Variants in ARAP2 observed in about 807,000 individuals in gnomAD.
The protein encoded by ARAP2 is arf-GAP with Rho-GAP domain, ANK repeat and PH domain-containing protein 2.
ARAP2 carries 148 observed loss-of-function variants against 194.5 expected under a neutral mutation model. The observed-to-expected ratio is 0.76, with a 90% CI of 0.67 to 0.87. The LOEUF (loss-of-function observed/expected upper bound fraction) is 0.87. ARAP2 is among the 40% of genes least tolerant of loss of function. The probability of loss-of-function intolerance (pLI) is 0.00; values close to 1 mark genes in which losing one functional copy is unlikely to be tolerated. For missense variants in ARAP2, 2,128 were observed against 1,989.7 expected, an observed-to-expected ratio of 1.07 and a Z score of -1.32; for synonymous variants, 695 against 683.5, an observed-to-expected ratio of 1.02 and a Z score of -0.26.
chr4:36,220,146 T>C (rs1430039679), intron 2 of ARAP2, among the ~76,000 whole-genome samples: 2 of 152,186 alleles, frequency 1.3e-5, no homozygotes, highest in Admixed American at 6.5e-5. Flanking sequence ...TTTGGTAACT[T>C]GCACTAGTAA....
intron 9 of ARAP2, among the ~76,000 whole-genome samples, chr4:36,008,842 A>T (rs1173808686): frequency 6.6e-6 from 1 of 152,130 alleles, no homozygotes; most frequent in East Asian, 1.9e-4. Context: ...ACTTTAACAA[A>T]TCAACAAGTA....
intron 5 of ARAP2, among the ~76,000 whole-genome samples, chr4:36,024,558 A>G (rs777813943): frequency 4.6e-5 from 7 of 152,152 alleles, no homozygotes; most frequent in Non-Finnish European, 1.0e-4. Context: ...GGTTCATAAA[A>G]GAGTGAGCTA....
At chr4:36,164,235 G>A (rs920227661) in intron 11 of ARAP2, among the ~76,000 whole-genome samples, 8 of 152,206 alleles carry the variant, frequency 5.3e-5, no homozygotes, top group African/African-American at 1.9e-4. Context: ...GGGGGAGAAG[G>A]TGGTGGGACA....
rs1392188168 is a variant in ARAP2, at chr4:36,187,567, A to C, written c.1562T>G (p.Met521Arg). ...SISYYNNEKE[M>R]YSKGIIPLSA... ...AAGGGGAATTATTCCTTTCGAATAC[A>C]TCTCCTGTATTGGTTAGAAAAAAAG... The change falls in exon 8 of 33, where the codon ATG (methionine) becomes AGG (arginine). Residue 521 changes from methionine (M) to arginine (R), a missense_variant. Met to Arg is a moderately conservative substitution (Grantham distance 91). Transcript: ENST00000303965. 2 of 1,545,084 alleles carry C rather than the reference A, an allele frequency of 1.3e-6. No homozygotes were observed. The highest frequency in any genetic ancestry group is 2.8e-5 in the African/African-American group (2 of 71,060).
chr4:36,082,282 C>A lies in ARAP2; in HGVS notation c.4513G>T (p.Gly1505Ter). 1 of 1,609,042 alleles carries A rather than the reference C, an allele frequency of 6.2e-7. No homozygotes were observed. The highest frequency in any genetic ancestry group is 8.5e-7 in the Non-Finnish European group (1 of 1,177,914). ...KKKMKPPTSWGLTAYSEKHHW... is the reference protein window; with the variant it reads ...KKKMKPPTSW The stretch of plus-strand genomic sequence containing the variant: ...TGTTTCTCAGAATATGCGGTCAATC[C>A]CCAGCTGCATCACATAGAAAAAAAA... Residue 1505 changes from glycine to a stop codon, truncating the protein, a stop_gained, in exon 30 of 33, where the codon GGA becomes TGA. Transcript: ENST00000303965. LOFTEE classifies it high-confidence loss of function.
At chr4:36,176,802 A>G (rs549983515) in intron 9 of ARAP2, among the ~76,000 whole-genome samples, 1 of 152,274 alleles carries the variant, frequency 6.6e-6, no homozygotes, top group African/African-American at 2.4e-5. Flanking sequence ...GTGTAAGTTC[A>G]CACTAAAGTT....
intron 14 of ARAP2, 134 bp from the exon 15 acceptor site, chr4:36,158,998 C>A: frequency 4.6e-6 from 4 of 862,742 alleles, no homozygotes; most frequent in Non-Finnish European, 6.6e-6. Context: ...TACAGAGATA[C>A]TTATTTTACT....
At chr4:36,119,993 A>T (rs1329692253) in intron 23 of ARAP2, among the ~76,000 whole-genome samples, 1 of 151,550 alleles carries the variant, frequency 6.6e-6, no homozygotes, top group Non-Finnish European at 1.5e-5. Flanking sequence ...AAAGGATCTG[A>T]TGACTGGCTT....
At chr4:36,192,258 A>T (rs1282645174) in intron 7 of ARAP2, among the ~76,000 whole-genome samples, 3 of 146,336 alleles carry the variant, frequency 2.1e-5, no homozygotes, top group African/African-American at 2.5e-5. Context: ...AACAACTTAA[A>T]TTTTTTTAAT....
chr4:36,092,028 G>A lies in ARAP2; in HGVS notation c.4286-8C>T, dbSNP rs777472428. On this transcript the variant is annotated splice_polypyrimidine_tract_variant and splice_region_variant and intron_variant, in intron 27 of 32. Transcript: ENST00000303965. ...TTCCCAGTGTACTCCGGTCTGTAAA[G>A]TACAGCATTACTTTTGTGAGTTGGG... The A allele has an allele frequency of 1.3e-6, 2 of 1,512,666 alleles. No homozygotes were observed. Among genetic ancestry groups the A allele is most frequent in the South Asian group, 1.3e-5 (1 of 75,190 alleles). 93.7% of individuals were successfully genotyped at this position (1,512,666 alleles called of 1,614,324 possible).
intron 2 of ARAP2, among the ~76,000 whole-genome samples, chr4:36,216,247 C>A (rs188838413): frequency 6.6e-6 from 1 of 152,062 alleles, no homozygotes; most frequent in Admixed American, 6.6e-5. Context: ...CAGAACAAGA[C>A]CCTGTCTCAA....
intron 27 of ARAP2, among the ~76,000 whole-genome samples, chr4:36,094,954 T>C (rs1714772235): frequency 6.6e-6 from 1 of 152,192 alleles, no homozygotes; most frequent in Admixed American, 6.6e-5. Context: ...CTATCACAGG[T>C]ATTAAAAGAT....
At chr4:36,148,380 G>C (rs758627587) in intron 17 of ARAP2, 25 bp downstream of exon 17, 55 of 1,555,600 alleles carry the variant, frequency 3.5e-5, no homozygotes, top group Non-Finnish European at 2.7e-5. Context: ...TCTGGATTTA[G>C]AGCAGTAACA....
intron 6 of ARAP2, among the ~76,000 whole-genome samples, chr4:36,201,765 T>C (rs1744417200): frequency 6.6e-6 from 1 of 152,140 alleles, no homozygotes. Flanking sequence ...GGCACTCTTG[T>C]TTAATTTAAT....
At chr4:36,195,871 T>C (rs1365384537) in intron 6 of ARAP2, among the ~76,000 whole-genome samples, 1 of 152,234 alleles carries the variant, frequency 6.6e-6, no homozygotes, top group African/African-American at 2.4e-5. Context: ...CCAGGTCTTA[T>C]GCTTTACAAG....
At chr4:36,223,850 T>C (rs575461329) in intron 2 of ARAP2, among the ~76,000 whole-genome samples, 1 of 152,090 alleles carries the variant, frequency 6.6e-6, no homozygotes, top group Non-Finnish European at 1.5e-5. Flanking sequence ...TTCAGACTTT[T>C]AGTATCCAGA....
intron 22 of ARAP2, among the ~76,000 whole-genome samples, chr4:36,122,996 A>T (rs927276828): frequency 6.6e-6 from 1 of 151,856 alleles, no homozygotes; most frequent in African/African-American, 2.4e-5. Context: ...GTTAATGTAG[A>T]GAATTCATAA....
At chr4:36,237,189 G>A (rs976604008) in intron 1 of ARAP2, among the ~76,000 whole-genome samples, 1 of 152,214 alleles carries the variant, frequency 6.6e-6, no homozygotes, top group African/African-American at 2.4e-5. Context: ...CAGGACTACA[G>A]TACAGCTGAT....
At chr4:36,177,804 G>T in intron 9 of ARAP2, 23 bp downstream of exon 9, 1 of 1,530,024 alleles carries the variant, frequency 6.5e-7, no homozygotes, top group Non-Finnish European at 8.8e-7. Flanking sequence ...GCAGCAATTT[G>T]CAATGACTAT....
Sources: gnomAD v4.1 joint callset for allele counts (sites outside exome capture counted in the v4.1 genomes callset) on GRCh38, gnomAD v4.1.1 for gene constraint, MANE v1.5 for transcripts, NCBI Gene and HGNC (gene_info 2026-07-23, HGNC 2026-07-21) for gene names.